The following ANKRD50 variants were observed in gnomAD, a reference collection of about 807,000 sequenced individuals.
ANKRD50 encodes the protein ankyrin repeat domain-containing protein 50.
A neutral mutation model predicts 112.0 loss-of-function variants in ANKRD50; 40 were observed. That is an observed-to-expected ratio of 0.36 (90% CI 0.28 to 0.46). ANKRD50 has a LOEUF of 0.46. Ranked by LOEUF, ANKRD50 falls within the 20% of genes least tolerant of loss-of-function variation. The pLI, the probability that ANKRD50 is intolerant of heterozygous loss-of-function variation, is 1.00. For synonymous variants in ANKRD50, 613 were observed against 619.1 expected, an observed-to-expected ratio of 0.99 and a Z score of 0.15; for missense variants, 1,487 against 1,701.7, an observed-to-expected ratio of 0.87 and a Z score of 2.22.
chr4:124,701,886 C>T lies in ANKRD50; in HGVS notation c.512+8114G>A, dbSNP rs188899159. 3.6e-3 allele frequency among the ~76,000 whole-genome samples: 549 copies of T among 151,424 alleles called. 5 individuals carry two copies. The highest frequency in any genetic ancestry group is 0.013 in the African/African-American group (526 of 41,350). The stretch of plus-strand genomic sequence containing the variant: ...ATAAAAATCAAACCATTTTACTTCA[C>T]AAAATTAAAATTAAAAAAGGCAAAA... On this transcript the variant is annotated intron_variant, in intron 2 of 4. Transcript: ENST00000504087.
rs1725614154 is a variant in ANKRD50 at position 124,710,916 on chromosome 4, C to T, written c.-405G>A. The T allele has an allele frequency of 2.4e-6, 1 of 420,688 alleles. No homozygotes were observed. The highest frequency in any genetic ancestry group is 9.6e-5 in the South Asian group (1 of 10,426). The allele number at this position is 420,688 out of a possible 1,614,324, so 26.1% of individuals were successfully genotyped here. A position where few individuals can be genotyped will look rare whatever the true frequency, so the allele number is the denominator to read the frequency against. On this transcript the variant is annotated 5_prime_UTR_variant, in exon 2 of 5. It introduces an in-frame stop codon into an upstream open reading frame of the 5' UTR. Coordinates refer to ENST00000504087, the MANE Select transcript of ANKRD50 (RefSeq NM_020337.3). ...TTTGTACAAAATGCTTCTCCAGATT[C>T]CAAGTGTTAATTCTGCATCTGACAA...
chr4:124,700,493 T>G (rs1007182553), intron 2 of ANKRD50, among the ~76,000 whole-genome samples: 1 of 152,166 alleles, frequency 6.6e-6, no homozygotes, highest in South Asian at 2.1e-4. Context: ...GTGATAGAGA[T>G]AGAGAGAAGT....
At chr4:124,679,223 G>C (rs1040103056) in intron 2 of ANKRD50, among the ~76,000 whole-genome samples, 2 of 152,098 alleles carry the variant, frequency 1.3e-5, no homozygotes, top group Non-Finnish European at 2.9e-5. Context: ...TTTTGAGTCA[G>C]TGATAAAAAG....
rs1299520872 is a variant in ANKRD50, at chr4:124,670,374, T to C, written c.2903A>G (p.Asn968Ser). Reference sequence around the variant, plus strand: ...ATCACTTGCTTCTACGTTTGCACCATTTTCTAAAAAATATTCGGCCATTGT... The same window carrying C: ...ATCACTTGCTTCTACGTTTGCACCACTTTCTAAAAAATATTCGGCCATTGT... ...QLTMAEYFLE[N>S]GANVEASDAE... Residue 968 changes from asparagine (N) to serine (S), a missense_variant, in exon 4 of 5, where the codon AAT (asparagine) becomes AGT (serine). By Grantham distance (46) the Asn-to-Ser change is conservative (BLOSUM62 1). Transcript: ENST00000504087. 1 of 1,613,904 alleles carries C rather than the reference T, an allele frequency of 6.2e-7. No homozygotes were observed. Among genetic ancestry groups the C allele is most frequent in the Admixed American group, 1.7e-5 (1 of 59,970 alleles).
chr4:124,667,293 A>T lies in ANKRD50; in HGVS notation c.*225T>A, dbSNP rs1419112646. 1.3e-5 allele frequency: 2 copies of T among 152,072 alleles called. No individual in the cohort carries two copies. Among genetic ancestry groups the T allele is most frequent in the African/African-American group, 4.8e-5 (2 of 41,442 alleles). The allele number at this position is 152,072 out of a possible 1,614,324, so 9.4% of individuals were successfully genotyped here. On this transcript the variant is annotated 3_prime_UTR_variant, in exon 5 of 5. Coordinates refer to ENST00000504087, the MANE Select transcript of ANKRD50 (RefSeq NM_020337.3). ...TTTTAAAAAGTGCTTATTCCTGTGTAGTGAATACAAAGCACACAAAATGAA... is the reference window on the plus strand; with the variant it reads ...TTTTAAAAAGTGCTTATTCCTGTGTTGTGAATACAAAGCACACAAAATGAA...
intron 2 of ANKRD50, among the ~76,000 whole-genome samples, chr4:124,692,807 T>G (rs2110520698): frequency 6.6e-6 from 1 of 152,350 alleles, no homozygotes; most frequent in East Asian, 1.9e-4. Flanking sequence ...AAAATGCTGT[T>G]GCTTATAAGC....
rs1400856856 is a variant in ANKRD50, at chr4:124,670,681, G to C, written c.2596C>G (p.Leu866Val). 1.2e-6 allele frequency: 2 copies of C among 1,613,118 alleles called. No homozygotes were observed. Among genetic ancestry groups the C allele is most frequent in the Non-Finnish European group, 1.7e-6 (2 of 1,179,760 alleles). ...TTTGTTCTAGCACCTTGTTCAATAA[G>C]TGCTTCACATATCAATCTGTGCCCT... Reference protein sequence around the residue: ...FEGHRLICEALIEQGARTNEI... With the variant: ...FEGHRLICEAVIEQGARTNEI... The change falls in exon 4 of 5, where the codon CTT (leucine) becomes GTT (valine). Residue 866 changes from leucine (L) to valine (V), a missense_variant. Physicochemically the swap from Leu to Val is conservative, Grantham distance 32 (BLOSUM62 1). Around this residue, in one of 2 missense-constraint regions of ANKRD50, gnomAD observed 1,046 missense variants for 1,269.5 expected, o/e 0.82. Transcript: ENST00000504087.
chr4:124,688,735 C>T (rs1725063689), intron 2 of ANKRD50, among the ~76,000 whole-genome samples: 2 of 152,138 alleles, frequency 1.3e-5, no homozygotes, highest in South Asian at 4.1e-4. Context: ...ATCATTAACA[C>T]TGAAGTCAGC....
chr4:124,703,397 C>T (rs1382165727), intron 2 of ANKRD50, among the ~76,000 whole-genome samples: 2 of 152,044 alleles, frequency 1.3e-5, no homozygotes, highest in African/African-American at 2.4e-5. Flanking sequence ...CACATACGAA[C>T]TCTAGACAGT....
chr4:124,685,176 T>A (rs866358102), intron 2 of ANKRD50, among the ~76,000 whole-genome samples: 3 of 152,188 alleles, frequency 2.0e-5, no homozygotes, highest in Admixed American at 6.5e-5. Flanking sequence ...CCACATCTCC[T>A]TGCCCATAAT....
chr4:124,695,036 A>G (rs1378052197), intron 2 of ANKRD50, among the ~76,000 whole-genome samples: 1 of 152,216 alleles, frequency 6.6e-6, no homozygotes, highest in Non-Finnish European at 1.5e-5. Context: ...TTTTTTAAAA[A>G]GAAATTATTT....
At chr4:124,687,274 TTTTTG>T (rs1344266650) in intron 2 of ANKRD50, among the ~76,000 whole-genome samples, 1 of 152,172 alleles carries the variant, frequency 6.6e-6, no homozygotes, top group African/African-American at 2.4e-5. Context: ...TTTGTTTTTG[TTTTTG>T]TTTTTTTTCC....
chr4:124,691,220 T>C (rs985788481), intron 2 of ANKRD50, among the ~76,000 whole-genome samples: 2 of 151,976 alleles, frequency 1.3e-5, no homozygotes, highest in East Asian at 1.9e-4. Flanking sequence ...AGGCCGGGCG[T>C]GGTGGCTCAC....
intron 2 of ANKRD50, among the ~76,000 whole-genome samples, chr4:124,704,848 AC>A (rs1045219838): frequency 2.0e-4 from 31 of 152,308 alleles, no homozygotes; most frequent in African/African-American, 7.5e-4. Context: ...TAATCCCAGC[AC>A]TCTGGGAGGC....
At chr4:124,688,614 C>T (rs1174716728) in intron 2 of ANKRD50, among the ~76,000 whole-genome samples, 1 of 152,186 alleles carries the variant, frequency 6.6e-6, no homozygotes, top group African/African-American at 2.4e-5. Flanking sequence ...ACTCAGGAGA[C>T]TAACTATGTC....
Position 124,671,968 on chromosome 4 carries a change from C to A in ANKRD50, c.1309G>T (p.Ala437Ser), listed in dbSNP as rs1388196113. 6.2e-7 allele frequency: 1 copy of A among 1,613,926 alleles called. No individual in the cohort carries two copies. The highest frequency in any genetic ancestry group is 8.5e-7 in the Non-Finnish European group (1 of 1,179,880). The change falls in exon 4 of 5, where the codon GCT becomes TCT. Residue 437 changes from alanine (A) to serine (S), a missense_variant. Ala to Ser is a moderately conservative substitution (Grantham distance 99). Around this residue, in one of 2 missense-constraint regions of ANKRD50, gnomAD observed 1,046 missense variants for 1,269.5 expected, o/e 0.82. Coordinates refer to ENST00000504087, the MANE Select transcript of ANKRD50 (RefSeq NM_020337.3). ...CNAAEGHRML[A>S]MSYTCQAKNL... ...TTGGCTTGACAGGTATAACTCATAG[C>A]CAACATTCTGTGTCCTTCTGCTGCA...
intron 2 of ANKRD50, among the ~76,000 whole-genome samples, chr4:124,703,490 A>G (rs1221413698): frequency 6.6e-6 from 1 of 152,156 alleles, no homozygotes; most frequent in Non-Finnish European, 1.5e-5. Context: ...GAAAATGACT[A>G]TAGGAGCCAA....
At chr4:124,696,051 G>GA (rs1369547344) in intron 2 of ANKRD50, among the ~76,000 whole-genome samples, 1 of 151,998 alleles carries the variant, frequency 6.6e-6, no homozygotes, top group Non-Finnish European at 1.5e-5. Flanking sequence ...AGAAAAAAGA[G>GA]ATAATAGATG....
At chr4:124,688,553 T>C (rs145968610) in intron 2 of ANKRD50, among the ~76,000 whole-genome samples, 299 of 152,304 alleles carry the variant, frequency 2.0e-3, no homozygotes, top group African/African-American at 6.8e-3. Context: ...AACGTTTCTT[T>C]GAAACGCAAA....
Sources: gnomAD v4.1 joint callset for allele counts (sites outside exome capture counted in the v4.1 genomes callset) on GRCh38, gnomAD v4.1.1 for gene constraint, gnomAD v4.1.1 regional missense constraint, MANE v1.5 for transcripts, NCBI Gene and HGNC (gene_info 2026-07-23, HGNC 2026-07-21) for gene names.